The following CD28 variants were observed in gnomAD, a reference collection of about 807,000 sequenced individuals.
CD28 encodes the protein T-cell-specific surface glycoprotein CD28.
A neutral mutation model predicts 21.4 loss-of-function variants in CD28; 8 were observed. That is an observed-to-expected ratio of 0.37 (90% CI 0.22 to 0.68). The LOEUF is 0.68. Ranked by LOEUF, CD28 falls within the 30% of genes least tolerant of loss-of-function variation. The pLI, the probability that CD28 is intolerant of heterozygous loss-of-function variation, is 0.55. For missense variants in CD28, 239 were observed against 272.2 expected, an observed-to-expected ratio of 0.88 and a Z score of 0.86; for synonymous variants, 106 against 104.0, an observed-to-expected ratio of 1.02 and a Z score of -0.12.
chr2:203,732,310 G>C (rs17533699), intron 3 of CD28, among the ~76,000 whole-genome samples: 19,370 of 152,150 alleles, frequency 0.13, 1,484 homozygotes, highest in Middle Eastern at 0.19. Context: ...GTTGACATTT[G>C]AGTAAATAAA....
intron 2 of CD28, among the ~76,000 whole-genome samples, chr2:203,727,279 A>G (rs1693776293): frequency 6.6e-6 from 1 of 152,196 alleles, no homozygotes. Context: ...CATGGCAGAA[A>G]AGAGGTTACC....
intron 1 of CD28, among the ~76,000 whole-genome samples, chr2:203,709,658 C>G (rs889755874): frequency 2.0e-5 from 3 of 152,092 alleles, no homozygotes; most frequent in Non-Finnish European, 4.4e-5. Context: ...AGGAGTCCAG[C>G]CCAGAACTAC....
chr2:203,711,199 TG>T (rs777671203), intron 1 of CD28, among the ~76,000 whole-genome samples: 1 of 152,286 alleles, frequency 6.6e-6, no homozygotes, highest in East Asian at 1.9e-4. Flanking sequence ...TGCCTGAAGC[TG>T]GGGGGAAGGT....
chr2:203,710,992 A>G (rs1693296715), intron 1 of CD28, among the ~76,000 whole-genome samples: 1 of 152,168 alleles, frequency 6.6e-6, no homozygotes, highest in African/African-American at 2.4e-5. Flanking sequence ...ATCTGGAAAA[A>G]TTACATCTGG....
intron 1 of CD28, among the ~76,000 whole-genome samples, chr2:203,721,352 A>G (rs543057546): frequency 2.6e-5 from 4 of 152,278 alleles, no homozygotes; most frequent in East Asian, 1.9e-4. Flanking sequence ...AGAGAGCCCA[A>G]GCTCTCTAAT....
chr2:203,733,561 G>A (rs1693952771), intron 3 of CD28, among the ~76,000 whole-genome samples: 1 of 152,026 alleles, frequency 6.6e-6, no homozygotes, highest in Admixed American at 6.6e-5. Context: ...GGATAAGATT[G>A]CCTAGGGAAA....
chr2:203,730,156 G>A (rs1693849962), intron 3 of CD28, among the ~76,000 whole-genome samples: 1 of 152,158 alleles, frequency 6.6e-6, no homozygotes. Context: ...GAAGCCAATG[G>A]ACAATGTTGG....
chr2:203,737,891 C>T lies in CD28; in HGVS notation c.*2979C>T, dbSNP rs1222983084. 4 of 152,454 alleles carry T rather than the reference C, an allele frequency of 2.6e-5. No individual in the cohort carries two copies. The highest frequency in any genetic ancestry group is 2.6e-4 in the Admixed American group (4 of 15,276). The allele number at this position is 152,454 out of a possible 1,614,324, so 9.4% of individuals were successfully genotyped here. A position where few individuals can be genotyped will look rare whatever the true frequency, so the allele number is the denominator to read the frequency against. On this transcript the variant is annotated 3_prime_UTR_variant, in exon 4 of 4. Transcript: ENST00000324106. ...GTCTTTTGGTATTAAGAAAGATATG[C>T]TTTCAGAATAGATATGCTTCGCTTT... is the stretch of plus-strand genomic sequence containing the variant.
chr2:203,725,109 GAGAAACCCCGTCTCTACTAAAAAT>G (rs1040793900), intron 1 of CD28, among the ~76,000 whole-genome samples: 1 of 152,024 alleles, frequency 6.6e-6, no homozygotes, highest in African/African-American at 2.4e-5. Context: ...GACCAACATG[GAGAAACCCCGTCTCTACTAAAAAT>G]AGAAAATTAG....
rs997138472 is a variant in CD28, at chr2:203,737,478, T to G, written c.*2566T>G. 1 of 149,902 alleles carries G rather than the reference T, an allele frequency of 6.7e-6. No homozygotes were observed. Among genetic ancestry groups the G allele is most frequent in the African/African-American group, 2.4e-5 (1 of 40,826 alleles). The allele number at this position is 149,902 out of a possible 1,614,324, so 9.3% of individuals were successfully genotyped here. A position where few individuals can be genotyped will look rare whatever the true frequency, so the allele number is the denominator to read the frequency against. On this transcript the variant is annotated 3_prime_UTR_variant, in exon 4 of 4. Coordinates refer to ENST00000324106, the MANE Select transcript of CD28 (RefSeq NM_006139.4). ...GATCTATGGTAATAAATGATTTTGTTTTCTGACTGGAAAAATAGGCCTACT... is the reference window on the plus strand; with the variant it reads ...GATCTATGGTAATAAATGATTTTGTGTTCTGACTGGAAAAATAGGCCTACT...
Position 203,726,708 on chromosome 2 carries a change from C to G in CD28, c.128C>G (p.Ser43Cys). The G allele has an allele frequency of 6.2e-7, 1 of 1,613,998 alleles. No homozygotes were observed. ...DNAVNLSCKYSYNLFSREFRA... is the reference protein window; with the variant it reads ...DNAVNLSCKYCYNLFSREFRA... ...GCGGTCAACCTTAGCTGCAAGTATT[C>G]CTACAATCTCTTCTCAAGGGAGTTC... is the stretch of plus-strand genomic sequence containing the variant. The change falls in exon 2 of 4, where the codon TCC (serine) becomes TGC (cysteine). Residue 43 changes from serine to cysteine, a missense_variant. Physicochemically the swap from Ser to Cys is moderately radical, Grantham distance 112. This residue lies in a region of CD28 where 104 missense variants were observed against 108.5 expected (regional missense o/e 0.96). Coordinates refer to ENST00000324106, the MANE Select transcript of CD28 (RefSeq NM_006139.4).
intron 1 of CD28, among the ~76,000 whole-genome samples, chr2:203,721,799 G>A (rs1057348538): frequency 2.0e-5 from 3 of 152,194 alleles, no homozygotes; most frequent in Middle Eastern, 3.4e-3. Context: ...GCCGTAGGAC[G>A]GGAATTGAGT....
At chr2:203,712,004 C>T (rs1273270396) in intron 1 of CD28, among the ~76,000 whole-genome samples, 1 of 151,984 alleles carries the variant, frequency 6.6e-6, no homozygotes, top group African/African-American at 2.4e-5. Context: ...CCAGTCTGGC[C>T]AATATGGTGA....
At chr2:203,709,360 G>A (rs1194527196) in intron 1 of CD28, among the ~76,000 whole-genome samples, 1 of 152,092 alleles carries the variant, frequency 6.6e-6, no homozygotes, top group Non-Finnish European at 1.5e-5. Context: ...TTAATAATGT[G>A]TGTGTATGTA....
At chr2:203,722,482 A>C (rs1314812925) in intron 1 of CD28, among the ~76,000 whole-genome samples, 1 of 152,264 alleles carries the variant, frequency 6.6e-6, no homozygotes, top group Non-Finnish European at 1.5e-5. Flanking sequence ...AAAGGATTTA[A>C]TGAGATGGTA....
At chr2:203,707,653 C>T (rs1436648669) in intron 1 of CD28, among the ~76,000 whole-genome samples, 1 of 152,156 alleles carries the variant, frequency 6.6e-6, no homozygotes, top group Non-Finnish European at 1.5e-5. Context: ...GTTCTCGTAA[C>T]TAGAAGGTAG....
chr2:203,724,062 A>C (rs1257560876), intron 1 of CD28, among the ~76,000 whole-genome samples: 1 of 152,224 alleles, frequency 6.6e-6, no homozygotes, highest in Admixed American at 6.5e-5. Flanking sequence ...TGCATGCAAC[A>C]ACATGGATGA....
intron 1 of CD28, among the ~76,000 whole-genome samples, chr2:203,707,141 G>A (rs1693178790): frequency 6.6e-6 from 1 of 151,826 alleles, no homozygotes; most frequent in South Asian, 2.1e-4. Context: ...ACCATGCCCG[G>A]CCAATAATTT....
At chr2:203,706,610 C>T, upstream of CD28, 2 of 1,610,292 alleles carry the variant, frequency 1.2e-6, no homozygotes, top group East Asian at 4.5e-5. Flanking sequence ...ACTCTCAGGC[C>T]TTGGCAGGTG....
Sources: allele counts gnomAD v4.1 joint callset (sites outside exome capture counted in the v4.1 genomes callset), GRCh38; gene constraint gnomAD v4.1.1; regional missense constraint gnomAD v4.1.1; transcripts MANE v1.5; gene names NCBI Gene and HGNC (gene_info 2026-07-23, HGNC 2026-07-21).